Variants in NCOA7 observed in about 807,000 individuals in gnomAD.
The protein encoded by NCOA7 is nuclear receptor coactivator 7.
NCOA7 carries 45 observed loss-of-function variants against 104.3 expected under a neutral mutation model. The observed-to-expected ratio is 0.43, with a 90% CI of 0.34 to 0.55. NCOA7 has a LOEUF of 0.55. Ranked by LOEUF, NCOA7 falls within the 20% of genes least tolerant of loss-of-function variation. The pLI, the probability that NCOA7 is intolerant of heterozygous loss-of-function variation, is 0.02. For synonymous variants in NCOA7, 398 were observed against 402.3 expected (o/e 0.99, Z 0.13); for missense variants, 1,041 against 1,119.7 (o/e 0.93, Z 1.00).
At chr6:125,826,480 T>C (rs573845530) in intron 2 of NCOA7, among the ~76,000 whole-genome samples, 66 of 152,248 alleles carry the variant, frequency 4.3e-4, no homozygotes, top group African/African-American at 1.5e-3. Context: ...TCTGTGATTT[T>C]GAATAATGAC....
At chr6:125,823,180 C>T (rs1778355894) in intron 2 of NCOA7, among the ~76,000 whole-genome samples, 1 of 152,146 alleles carries the variant, frequency 6.6e-6, no homozygotes, top group African/African-American at 2.4e-5. Flanking sequence ...AATCCCCCCG[C>T]AAATGGACAT....
At chr6:125,912,640 G>A (rs117768167) in intron 10 of NCOA7, among the ~76,000 whole-genome samples, 1,746 of 152,272 alleles carry the variant, frequency 0.011, 18 homozygotes, top group Non-Finnish European at 0.017. Flanking sequence ...ATTTACAGCT[G>A]TGATGGCTTA....
rs1393670464 is a variant in NCOA7 at position 125,846,360 on chromosome 6, AATTTT to A, written c.51-8659_51-8655del. Among the ~76,000 whole-genome samples, 7 of 67,564 alleles carry A rather than the reference AATTTT, an allele frequency of 1.0e-4. No individual in the cohort carries two copies. In the South Asian group the frequency reaches 3.9e-3, roughly 38 times the overall value. 44.3% of individuals were successfully genotyped at this position (67,564 alleles called of 152,430 possible). A position where few individuals can be genotyped will look rare whatever the true frequency, so the allele number is the denominator to read the frequency against. ...AGTTTGGATATAAAAAAGAAAAAAA[AATTTT>A]TTTTTTTTTTTTTTAATCAAAACAA... On this transcript the variant is annotated intron_variant, in intron 2 of 15. Transcript: ENST00000392477.
chr6:125,800,890 C>T (rs993377095), intron 1 of NCOA7, among the ~76,000 whole-genome samples: 3 of 152,120 alleles, frequency 2.0e-5, no homozygotes, highest in South Asian at 2.1e-4. Flanking sequence ...AGGCAGGTGT[C>T]GGGGCACGCG....
chr6:125,850,992 C>T (rs992076843), intron 2 of NCOA7, among the ~76,000 whole-genome samples: 1 of 152,100 alleles, frequency 6.6e-6, no homozygotes, highest in African/African-American at 2.4e-5. Context: ...GCTAGAGCAA[C>T]CTACTCCTTT....
At chr6:125,858,949 G>C (rs919345865) in intron 3 of NCOA7, among the ~76,000 whole-genome samples, 5 of 152,178 alleles carry the variant, frequency 3.3e-5, no homozygotes, top group African/African-American at 1.2e-4. Context: ...TGCTTTTGGT[G>C]GCTCTAGTCT....
chr6:125,885,441 A>G, intron 8 of NCOA7, 98 bp downstream of exon 8: 5 of 1,199,250 alleles, frequency 4.2e-6, no homozygotes, highest in Non-Finnish European at 4.7e-6. Context: ...GATTGTGTAG[A>G]GGTGATTTTG....
intron 2 of NCOA7, among the ~76,000 whole-genome samples, chr6:125,850,107 G>T (rs1780992924): frequency 1.3e-5 from 2 of 152,140 alleles, no homozygotes; most frequent in South Asian, 4.1e-4. Flanking sequence ...GCCCTGAAAA[G>T]GAATGCTTGA....
rs1334602197 is a variant in NCOA7 at position 125,919,444 on chromosome 6, G to A, written c.2245-1499G>A. ...GCCTTTTGTGAAGGTATGTTGGAGTGCGTCCCGAGGGCTAATAAGGTGCTG... is the reference window on the plus strand; with the variant it reads ...GCCTTTTGTGAAGGTATGTTGGAGTACGTCCCGAGGGCTAATAAGGTGCTG... On this transcript the variant is annotated intron_variant, in intron 11 of 15. Coordinates refer to ENST00000392477, the MANE Select transcript of NCOA7 (RefSeq NM_181782.5). 5 of 1,611,984 alleles carry A rather than the reference G, an allele frequency of 3.1e-6. No individual in the cohort carries two copies. The South Asian group carries it at 5.5e-5, about 18-fold the overall frequency.
At chr6:125,803,760 T>C (rs146692339) in intron 1 of NCOA7, among the ~76,000 whole-genome samples, 5 of 152,354 alleles carry the variant, frequency 3.3e-5, no homozygotes, top group African/African-American at 9.6e-5. Context: ...AATTTAATTC[T>C]TGAAAAGTAG....
chr6:125,809,550 C>T (rs948715584), intron 1 of NCOA7, among the ~76,000 whole-genome samples: 1 of 152,156 alleles, frequency 6.6e-6, no homozygotes, highest in Non-Finnish European at 1.5e-5. Context: ...TCTACTGTTA[C>T]AGGGAGTGTT....
chr6:125,906,652 G>A (rs1786035452), intron 10 of NCOA7, among the ~76,000 whole-genome samples: 1 of 152,172 alleles, frequency 6.6e-6, no homozygotes, highest in Admixed American at 6.5e-5. Context: ...TATGAACCCA[G>A]AAGAGGCTGA....
chr6:125,926,172 A>G (rs888471236), intron 13 of NCOA7, among the ~76,000 whole-genome samples: 1 of 152,018 alleles, frequency 6.6e-6, no homozygotes, highest in African/African-American at 2.4e-5. Flanking sequence ...TTAGCCAGAC[A>G]TAGTGGTGTG....
Position 125,889,138 on chromosome 6 carries a change from C to T in NCOA7, c.1084C>T (p.Pro362Ser). 1 of 1,614,132 alleles carries T rather than the reference C, an allele frequency of 6.2e-7. No individual in the cohort carries two copies. Among genetic ancestry groups the T allele is most frequent in the African/African-American group, 1.3e-5 (1 of 75,042 alleles). Residue 362 changes from proline to serine, a missense_variant, in exon 9 of 16, where the codon CCC becomes TCC. Coordinates refer to ENST00000392477, the MANE Select transcript of NCOA7 (RefSeq NM_181782.5). ...GTCCACAGGACATACACCTACAAAGCCCTCAGGCAGCTCTGTGTCAGAGAA... is the reference window on the plus strand; with the variant it reads ...GTCCACAGGACATACACCTACAAAGTCCTCAGGCAGCTCTGTGTCAGAGAA... ...EKSTGHTPTK[P>S]SGSSVSEKLK...
intron 1 of NCOA7, among the ~76,000 whole-genome samples, chr6:125,785,181 T>C (rs1774406682): frequency 6.6e-6 from 1 of 152,032 alleles, no homozygotes; most frequent in Non-Finnish European, 1.5e-5. Context: ...CTACTAAAAA[T>C]ATAAAAACTA....
In NCOA7 at chr6:125,928,164, C is replaced by G; in HGVS notation, c.2620-10C>G. 4 of 1,604,810 alleles carry G rather than the reference C, an allele frequency of 2.5e-6. No homozygotes were observed. In the South Asian group the frequency reaches 4.5e-5, roughly 18 times the overall value. ...AATGTCTGTTTTCTTTTTTGTGTTT[C>G]TTCCCCAAGGTCTTTAAGTGGAGTG... On this transcript the variant is annotated splice_polypyrimidine_tract_variant and intron_variant, in intron 14 of 15. Coordinates refer to ENST00000392477, the MANE Select transcript of NCOA7 (RefSeq NM_181782.5).
chr6:125,889,200 T>C lies in NCOA7; in HGVS notation c.1146T>C (p.His382=), dbSNP rs200128034. The change falls in exon 9 of 16, where the codon CAT becomes CAC. Residue 382 remains histidine, a synonymous_variant. Coordinates refer to ENST00000392477, the MANE Select transcript of NCOA7 (RefSeq NM_181782.5). ...KKLDSSRETS[H]GSPTVTKLSK... ...TGGACTCCTCTAGGGAGACATCCCA[T>C]GGTTCTCCCACAGTGACTAAGCTCA... is the stretch of plus-strand genomic sequence containing the variant. 2.4e-5 allele frequency: 39 copies of C among 1,614,042 alleles called. No individual in the cohort carries two copies. The East Asian group carries it at 8.7e-4, about 36-fold the overall frequency.
intron 1 of NCOA7, among the ~76,000 whole-genome samples, chr6:125,814,742 A>AG (rs959789487): frequency 6.6e-6 from 1 of 152,212 alleles, no homozygotes; most frequent in African/African-American, 2.4e-5. Flanking sequence ...AGCCATGCTG[A>AG]GGAACAGCTT....
intron 2 of NCOA7, among the ~76,000 whole-genome samples, chr6:125,845,239 C>T (rs544537757): frequency 6.6e-6 from 1 of 152,072 alleles, no homozygotes; most frequent in East Asian, 1.9e-4. Context: ...AAGAGAAGGT[C>T]CCTGGAGGGA....
Sources: allele counts gnomAD v4.1 joint callset (sites outside exome capture counted in the v4.1 genomes callset), GRCh38; gene constraint gnomAD v4.1.1; transcripts MANE v1.5; gene names NCBI Gene and HGNC (gene_info 2026-07-23, HGNC 2026-07-21).